Variants in SAMMSON observed in about 807,000 individuals in gnomAD.
The protein encoded by SAMMSON is long intergenic non-protein coding RNA 1212.
At chr3:70,275,668 T>C (rs1702017954) in intron 6 of SAMMSON, among the ~76,000 whole-genome samples, 1 of 152,220 alleles carries the variant, frequency 6.6e-6, no homozygotes, top group Admixed American at 6.5e-5. Flanking sequence ...AGCTTCTTCA[T>C]CTGTTCATCA....
chr3:70,277,987 A>G (rs1702043818), intron 6 of SAMMSON, among the ~76,000 whole-genome samples: 1 of 152,094 alleles, frequency 6.6e-6, no homozygotes, highest in Non-Finnish European at 1.5e-5. Flanking sequence ...AAAGCGCGCA[A>G]ATCTTAAGTA....
At chr3:70,075,906 T>C (rs2067247000) in intron 4 of SAMMSON, among the ~76,000 whole-genome samples, 1 of 148,736 alleles carries the variant, frequency 6.7e-6, no homozygotes, top group African/African-American at 2.5e-5. Flanking sequence ...TTAATATTCA[T>C]TCTGAGGTAG....
At chr3:70,079,011 T>G (rs1284302466) in intron 4 of SAMMSON, among the ~76,000 whole-genome samples, 1 of 152,256 alleles carries the variant, frequency 6.6e-6, no homozygotes, top group Non-Finnish European at 1.5e-5. Flanking sequence ...TCTTCTTTTA[T>G]GTACTATCTA....
At chr3:70,020,460 G>A (rs12171315) in intron 3 of SAMMSON, among the ~76,000 whole-genome samples, 7,093 of 152,182 alleles carry the variant, frequency 0.047, 371 homozygotes, top group African/African-American at 0.13. Context: ...CCAATATGGA[G>A]ACTGTGGCAT....
At chr3:70,187,523 C>T (rs1465286016) in intron 4 of SAMMSON, among the ~76,000 whole-genome samples, 3 of 148,990 alleles carry the variant, frequency 2.0e-5, no homozygotes, top group African/African-American at 5.0e-5. Flanking sequence ...CTGCAAGCTC[C>T]GCCTCCCGGG....
chr3:70,324,588 A>G (rs1702565171), intron 7 of SAMMSON, among the ~76,000 whole-genome samples: 1 of 152,176 alleles, frequency 6.6e-6, no homozygotes, highest in Admixed American at 6.6e-5. Flanking sequence ...TTATTTGACT[A>G]TTTCTAGGTG....
chr3:70,219,450 AC>A (rs1701442571), intron 4 of SAMMSON, among the ~76,000 whole-genome samples: 1 of 152,142 alleles, frequency 6.6e-6, no homozygotes, highest in South Asian at 2.1e-4. Context: ...GTTCTTTGTC[AC>A]CTTAACTGAT....
At chr3:70,057,418 C>T (rs1235607644) in intron 3 of SAMMSON, among the ~76,000 whole-genome samples, 1 of 151,962 alleles carries the variant, frequency 6.6e-6, no homozygotes, top group Non-Finnish European at 1.5e-5. Flanking sequence ...ACTAACACAA[C>T]ACTGAAAATT....
rs61355248 is a variant in SAMMSON at position 70,250,411 on chromosome 3, T to TCACACACACA, written n.674+772_674+781dup. Among the ~76,000 whole-genome samples the TCACACACACA allele has an allele frequency of 5.8e-4, 72 of 124,960 alleles. No homozygotes were observed. In the South Asian group the frequency reaches 0.01, roughly 18 times the overall value. The allele number at this position is 124,960 out of a possible 152,430, so 82.0% of individuals were successfully genotyped here. A position where few individuals can be genotyped will look rare whatever the true frequency, so the allele number is the denominator to read the frequency against. On this transcript the variant is annotated intron_variant and non_coding_transcript_variant, in intron 6 of 9. Coordinates refer to ENST00000642114, the Ensembl canonical transcript of SAMMSON. ...TTCGGTATTTTTCTTTTAATGAATC[T>TCACACACACA]CACACACACACACACACACACACAC...
intron 4 of SAMMSON, among the ~76,000 whole-genome samples, chr3:70,082,451 GA>G (rs1299996195): frequency 2.0e-5 from 3 of 152,162 alleles, no homozygotes; most frequent in Non-Finnish European, 4.4e-5. Flanking sequence ...GGTTAAACAG[GA>G]GTTAGGCTAC....
At chr3:70,069,946 T>C (rs2067223835) in intron 3 of SAMMSON, 1 of 152,074 alleles carries the variant, frequency 6.6e-6, no homozygotes, top group African/African-American at 2.4e-5. Flanking sequence ...ACTTTGAAGA[T>C]AATGCTTATA....
At chr3:70,360,661 A>G (rs1273466687) in intron 9 of SAMMSON, among the ~76,000 whole-genome samples, 1 of 152,166 alleles carries the variant, frequency 6.6e-6, no homozygotes, top group Non-Finnish European at 1.5e-5. Flanking sequence ...TGTGAGTGTC[A>G]TAAGTTGAAT....
At chr3:70,199,676 C>G (rs1021125806) in intron 4 of SAMMSON, among the ~76,000 whole-genome samples, 1 of 152,304 alleles carries the variant, frequency 6.6e-6, no homozygotes, top group South Asian at 2.1e-4. Context: ...TTTGCACAAG[C>G]AGTTCAGGGG....
At chr3:70,263,863 C>T (rs1701890397) in intron 6 of SAMMSON, among the ~76,000 whole-genome samples, 1 of 152,122 alleles carries the variant, frequency 6.6e-6, no homozygotes, top group African/African-American at 2.4e-5. Context: ...GTGGAACTCA[C>T]TTTGTTTCCT....
chr3:70,307,622 G>A (rs1242081623), intron 7 of SAMMSON, among the ~76,000 whole-genome samples: 1 of 151,890 alleles, frequency 6.6e-6, no homozygotes, highest in East Asian at 1.9e-4. Context: ...TCGCTTCAAG[G>A]CTGCTAAATG....
At chr3:70,373,699 A>G (rs1356211488) in intron 9 of SAMMSON, among the ~76,000 whole-genome samples, 1 of 152,046 alleles carries the variant, frequency 6.6e-6, no homozygotes, top group East Asian at 1.9e-4. Context: ...TTTACCTTCA[A>G]GTTCGATTAT....
intron 6 of SAMMSON, among the ~76,000 whole-genome samples, chr3:70,274,478 A>G (rs189900374): frequency 1.3e-3 from 192 of 152,274 alleles, no homozygotes; most frequent in Non-Finnish European, 2.4e-3. Context: ...TTTTCTCCAA[A>G]TAATTAATGT....
At chr3:70,075,386 T>C (rs2067244922) in intron 4 of SAMMSON, 1 of 152,100 alleles carries the variant, frequency 6.6e-6, no homozygotes, top group Non-Finnish European at 1.5e-5. Flanking sequence ...ATCTCTCAAA[T>C]GACATTGTAT....
intron 7 of SAMMSON, among the ~76,000 whole-genome samples, chr3:70,295,891 T>G (rs1031053611): frequency 6.6e-6 from 1 of 152,180 alleles, no homozygotes. Context: ...GATCTTTGCC[T>G]TGTTTCCCAT....
Sources: allele counts gnomAD v4.1 joint callset (sites outside exome capture counted in the v4.1 genomes callset), GRCh38; gene constraint gnomAD v4.1.1; transcripts MANE v1.5; gene names NCBI Gene and HGNC (gene_info 2026-07-23, HGNC 2026-07-21).